Variants in ADGRV1 observed in about 807,000 individuals in gnomAD.
ADGRV1 encodes adhesion G protein-coupled receptor V1.
Under a neutral mutation model 596.2 loss-of-function variants are expected in ADGRV1, and 359 were observed. The ratio of observed to expected loss-of-function variants is 0.60; its 90% confidence interval spans 0.55 to 0.66. The LOEUF (loss-of-function observed/expected upper bound fraction) is 0.66, where lower values mean the gene tolerates loss of function less well. Among genes scored for constraint, ADGRV1 ranks in the 30% least tolerant of loss-of-function variants. The pLI, the probability that ADGRV1 is intolerant of heterozygous loss-of-function variation, is 0.00. For synonymous variants in ADGRV1, 2,681 were observed against 2,679.2 expected (o/e 1.00, Z -0.02); for missense variants, 7,274 against 7,575.6 (o/e 0.96, Z 1.48).
intron 83 of ADGRV1, among the ~76,000 whole-genome samples, chr5:90,946,932 C>G (rs991702967): frequency 1.3e-5 from 2 of 152,078 alleles, no homozygotes; most frequent in African/African-American, 4.8e-5. Flanking sequence ...CATATGCGTG[C>G]ATGTATCTTT....
intron 10 of ADGRV1, among the ~76,000 whole-genome samples, chr5:90,635,864 G>A (rs1346190897): frequency 6.6e-6 from 1 of 151,678 alleles, no homozygotes; most frequent in African/African-American, 2.4e-5. Flanking sequence ...CAAAGTAATG[G>A]GATTACAGGC....
chr5:90,831,246 T>C (rs893095788), intron 77 of ADGRV1, among the ~76,000 whole-genome samples: 18 of 150,982 alleles, frequency 1.2e-4, no homozygotes, highest in African/African-American at 2.4e-4. Context: ...TATATATATA[T>C]ACACACACAC....
intron 21 of ADGRV1, among the ~76,000 whole-genome samples, chr5:90,668,174 C>G (rs921399150): frequency 1.3e-5 from 2 of 152,002 alleles, no homozygotes; most frequent in Non-Finnish European, 2.9e-5. Context: ...TTTACCTAAG[C>G]AAGCCTGGGC....
intron 82 of ADGRV1, among the ~76,000 whole-genome samples, chr5:90,860,635 A>G (rs1434893699): frequency 6.6e-6 from 1 of 152,118 alleles, no homozygotes; most frequent in Non-Finnish European, 1.5e-5. Context: ...TGCAAAAGTA[A>G]TTGCAGTTTT....
At chr5:90,980,977 GA>G (rs1780032049) in intron 84 of ADGRV1, among the ~76,000 whole-genome samples, 2 of 152,200 alleles carry the variant, frequency 1.3e-5, no homozygotes, top group South Asian at 4.1e-4. Context: ...CTCTCTGTGA[GA>G]TGTGAACCCT....
chr5:90,857,649 T>G (rs1767150331), intron 82 of ADGRV1, among the ~76,000 whole-genome samples: 1 of 152,196 alleles, frequency 6.6e-6, no homozygotes, highest in African/African-American at 2.4e-5. Flanking sequence ...CCATGTCATA[T>G]TGTTATGTAA....
chr5:91,121,767 A>G (rs1024704847), intron 87 of ADGRV1, among the ~76,000 whole-genome samples: 2 of 151,916 alleles, frequency 1.3e-5, no homozygotes, highest in Non-Finnish European at 2.9e-5. Flanking sequence ...GTAATTAAAT[A>G]TTTTTTGGTT....
In ADGRV1 at chr5:90,694,591, G is replaced by A. The variant is rs2149644510; in HGVS notation, c.7835G>A (p.Arg2612Lys). 6.2e-7 allele frequency: 1 copy of A among 1,613,870 alleles called. No individual in the cohort carries two copies. The highest frequency in any genetic ancestry group is 8.5e-7 in the Non-Finnish European group (1 of 1,179,812). ...PQTLVELMIHRTGGSLGQVAV... is the reference protein window; with the variant it reads ...PQTLVELMIHKTGGSLGQVAV... Reference sequence around the variant, plus strand: ...ACCTTGGTGGAGCTGATGATACACAGGACAGGGGGCAGCTTAGGTCAAGTG... The same window carrying A: ...ACCTTGGTGGAGCTGATGATACACAAGACAGGGGGCAGCTTAGGTCAAGTG... Residue 2612 changes from arginine to lysine, a missense_variant, in exon 33 of 90, where the codon AGG becomes AAG. Transcript: ENST00000405460.
chr5:90,723,905 G>A (rs1417336891), intron 45 of ADGRV1, among the ~76,000 whole-genome samples: 2 of 151,384 alleles, frequency 1.3e-5, no homozygotes, highest in African/African-American at 4.9e-5. Context: ...CATTAGTTAG[G>A]GGATTTTTAT....
At chr5:90,996,548 C>A (rs1043661064) in intron 85 of ADGRV1, among the ~76,000 whole-genome samples, 13 of 152,124 alleles carry the variant, frequency 8.5e-5, no homozygotes, top group Admixed American at 8.5e-4. Context: ...CATGGAGAAC[C>A]TTTACTAGGG....
In ADGRV1 at chr5:91,110,737, T is replaced by C. The variant is rs191524364; in HGVS notation, c.18432+8397T>C. ...CGTTTGTGGAGAAGGTTCATATGCA[T>C]AGAAGCTTTCCAAAATCTGAAACGC... On this transcript the variant is annotated intron_variant, in intron 87 of 89. Transcript: ENST00000405460. 7.3e-3 allele frequency among the ~76,000 whole-genome samples: 1,119 copies of C among 152,286 alleles called. 7 individuals carry two copies. Among genetic ancestry groups the C allele is most frequent in the Non-Finnish European group, 9.9e-3 (674 of 68,020 alleles).
Position 91,163,866 on chromosome 5 carries a change from T to C in ADGRV1, c.18887T>C (p.Leu6296Pro). 1 of 1,601,184 alleles carries C rather than the reference T, an allele frequency of 6.2e-7. No individual in the cohort carries two copies. Among genetic ancestry groups the C allele is most frequent in the South Asian group, 1.1e-5 (1 of 89,838 alleles). The change falls in exon 90 of 90, where the codon CTC becomes CCC. Residue 6296 changes from leucine (L) to proline (P), a missense_variant. Physicochemically the swap from Leu to Pro is moderately conservative, Grantham distance 98. Transcript: ENST00000405460. ...GTLTDSQIVE[L>P]RRIPIADTHL ...TTGACTGACTCCCAGATCGTGGAGC[T>C]CAGGAGGATACCCATCGCCGACACT...
intron 17 of ADGRV1, among the ~76,000 whole-genome samples, chr5:90,649,356 G>A (rs1768264938): frequency 1.3e-5 from 2 of 152,054 alleles, no homozygotes; most frequent in Admixed American, 1.3e-4. Context: ...TTAACTTAGT[G>A]TGATTCTGGT....
intron 14 of ADGRV1, 62 bp downstream of exon 14, chr5:90,644,045 A>G (rs1767359923): frequency 3.3e-6 from 4 of 1,216,490 alleles, no homozygotes; most frequent in Non-Finnish European, 4.4e-6. Context: ...TAATTTTTTT[A>G]GTTATTTCTT....
At chr5:90,721,179 T>A in intron 45 of ADGRV1, 120 bp downstream of exon 45, 1 of 863,132 alleles carries the variant, frequency 1.2e-6, no homozygotes, top group Non-Finnish European at 1.7e-6. Flanking sequence ...AAACAGATAA[T>A]CTAATTCTTT....
chr5:91,090,281 A>T (rs188967859), intron 86 of ADGRV1, among the ~76,000 whole-genome samples: 5 of 152,144 alleles, frequency 3.3e-5, no homozygotes, highest in Admixed American at 3.3e-4. Flanking sequence ...CTCTAATAAT[A>T]GTTTTTGCGA....
At chr5:91,092,939 G>C (rs1213242404) in intron 86 of ADGRV1, among the ~76,000 whole-genome samples, 1 of 152,148 alleles carries the variant, frequency 6.6e-6, no homozygotes, top group Non-Finnish European at 1.5e-5. Context: ...CTTGTGCTGA[G>C]TGCTTTGTGT....
At position 90,810,366 on chromosome 5, in the gene ADGRV1, G is replaced by A. The variant is rs867504287; in HGVS notation, c.15106G>A (p.Asp5036Asn). The A allele has an allele frequency of 1.2e-6, 2 of 1,613,618 alleles. No homozygotes were observed. Among genetic ancestry groups the A allele is most frequent in the African/African-American group, 1.3e-5 (1 of 74,988 alleles). ...HVQRLFGFHS[D>N]LIKVSYQTTA... ...ACAAAGACTATTTGGGTTCCACAGC[G>A]ATCTTATTAAAGTTTCTTATCAGAC... The change falls in exon 74 of 90, where the codon GAT becomes AAT. Residue 5036 changes from aspartate (D) to asparagine (N), a missense_variant. Coordinates refer to ENST00000405460, the MANE Select transcript of ADGRV1 (RefSeq NM_032119.4).
At chr5:90,712,662 ATAT>A (rs773222129) in intron 42 of ADGRV1, among the ~76,000 whole-genome samples, 50 of 152,116 alleles carry the variant, frequency 3.3e-4, no homozygotes, top group Non-Finnish European at 6.2e-4. Flanking sequence ...ACTACAGATA[ATAT>A]TATTTCCTCA....
Sources: gnomAD v4.1 joint callset for allele counts (sites outside exome capture counted in the v4.1 genomes callset) on GRCh38, gnomAD v4.1.1 for gene constraint, MANE v1.5 for transcripts, NCBI Gene and HGNC (gene_info 2026-07-23, HGNC 2026-07-21) for gene names.